The following GRID2 variants were observed in gnomAD, a reference collection of about 807,000 sequenced individuals.
The protein encoded by GRID2 is glutamate ionotropic receptor delta type subunit 2, also known as glutamate receptor ionotropic, delta-2.
Under a neutral mutation model 114.8 loss-of-function variants are expected in GRID2, and 33 were observed. The ratio of observed to expected loss-of-function variants is 0.29; its 90% CI spans 0.22 to 0.38. The LOEUF (loss-of-function observed/expected upper bound fraction) is 0.38, where lower values mean the gene tolerates loss of function less well. Ranked by LOEUF, GRID2 falls within the 10% of genes least tolerant of loss-of-function variation. The probability of loss-of-function intolerance (pLI) is 1.00; values close to 1 mark genes in which losing one functional copy is unlikely to be tolerated. For missense variants in GRID2, 1,184 were observed against 1,257.7 expected (o/e 0.94, Z 0.89); for synonymous variants, 505 against 449.9 (o/e 1.12, Z -1.55).
intron 3 of GRID2, 91 bp downstream of exon 3, chr4:93,085,370 C>G (rs1350887129): frequency 5.2e-6 from 5 of 967,102 alleles, no homozygotes; most frequent in Admixed American, 4.3e-5. Context: ...GGGTCTTACT[C>G]ATTGTTATTT....
At chr4:92,855,558 T>C (rs1028068034) in intron 2 of GRID2, among the ~76,000 whole-genome samples, 2 of 152,002 alleles carry the variant, frequency 1.3e-5, no homozygotes, top group East Asian at 3.9e-4. Flanking sequence ...TAATTCCATT[T>C]TCCAGAAATA....
intron 1 of GRID2, among the ~76,000 whole-genome samples, chr4:92,540,691 G>A (rs1230237218): frequency 6.6e-6 from 1 of 152,146 alleles, no homozygotes; most frequent in Non-Finnish European, 1.5e-5. Flanking sequence ...CTACACTGTT[G>A]GTGGGACTAT....
At chr4:92,696,670 C>A (rs556808546) in intron 2 of GRID2, among the ~76,000 whole-genome samples, 1 of 152,180 alleles carries the variant, frequency 6.6e-6, no homozygotes, top group African/African-American at 2.4e-5. Flanking sequence ...TAAATCTAAT[C>A]TACCCATTTG....
At chr4:93,065,862 T>C (rs1184709295) in intron 2 of GRID2, among the ~76,000 whole-genome samples, 3 of 151,902 alleles carry the variant, frequency 2.0e-5, no homozygotes, top group Non-Finnish European at 2.9e-5. Context: ...ACACACAGTC[T>C]TTCTGGATTC....
At chr4:92,941,974 A>G (rs532118654) in intron 2 of GRID2, among the ~76,000 whole-genome samples, 2,263 of 152,008 alleles carry the variant, frequency 0.015, 20 homozygotes, top group East Asian at 0.054. Flanking sequence ...TTGCTGAGGA[A>G]TGCTTTACTT....
chr4:92,862,921 G>A (rs1046334622), intron 2 of GRID2, among the ~76,000 whole-genome samples: 3 of 151,934 alleles, frequency 2.0e-5, no homozygotes, highest in Non-Finnish European at 4.4e-5. Context: ...CACTTGAGAC[G>A]GATTGATAAA....
chr4:93,583,985 G>C (rs1034560444), intron 13 of GRID2, among the ~76,000 whole-genome samples: 1 of 152,082 alleles, frequency 6.6e-6, no homozygotes, highest in East Asian at 1.9e-4. Flanking sequence ...GAAGCAGATG[G>C]AAAATGCTGA....
intron 2 of GRID2, among the ~76,000 whole-genome samples, chr4:92,778,181 C>G (rs755839330): frequency 6.6e-6 from 1 of 152,068 alleles, no homozygotes; most frequent in Non-Finnish European, 1.5e-5. Context: ...TCAATGAGAA[C>G]TTTTTCAACA....
At chr4:92,469,606 A>T (rs1357359758) in intron 1 of GRID2, among the ~76,000 whole-genome samples, 1 of 151,986 alleles carries the variant, frequency 6.6e-6, no homozygotes, top group Admixed American at 6.6e-5. Context: ...GAATCCATGG[A>T]TGTGGAATCC....
intron 2 of GRID2, among the ~76,000 whole-genome samples, chr4:92,688,411 A>G (rs948283980): frequency 7.9e-5 from 12 of 152,100 alleles, no homozygotes; most frequent in Middle Eastern, 3.4e-3. Flanking sequence ...AACTTTACCC[A>G]CAGTAAACCT....
chr4:92,871,330 G>C (rs1483996485), intron 2 of GRID2, among the ~76,000 whole-genome samples: 3 of 149,538 alleles, frequency 2.0e-5, no homozygotes, highest in Non-Finnish European at 4.4e-5. Flanking sequence ...TTCTGTTAAT[G>C]TAACAAGTTA....
chr4:92,565,984 G>T (rs569678171), intron 1 of GRID2, among the ~76,000 whole-genome samples: 2 of 152,060 alleles, frequency 1.3e-5, no homozygotes, highest in East Asian at 3.9e-4. Context: ...GTATTACCTA[G>T]GTTGAGTTTA....
chr4:92,783,470 T>A (rs183164538), intron 2 of GRID2, among the ~76,000 whole-genome samples: 1 of 152,264 alleles, frequency 6.6e-6, no homozygotes, highest in East Asian at 1.9e-4. Context: ...AGTAAAAGTG[T>A]CTGAATTTTT....
At chr4:92,418,699 C>T (rs1731743626) in intron 1 of GRID2, among the ~76,000 whole-genome samples, 1 of 151,922 alleles carries the variant, frequency 6.6e-6, no homozygotes, top group Non-Finnish European at 1.5e-5. Context: ...ATAATGATAT[C>T]ATTCATCAAG....
intron 8 of GRID2, among the ~76,000 whole-genome samples, chr4:93,322,823 T>C (rs1352149684): frequency 1.3e-5 from 2 of 152,216 alleles, no homozygotes; most frequent in East Asian, 3.8e-4. Flanking sequence ...TTCATGTGTT[T>C]TTTGGCTGCA....
At chr4:92,378,693 G>A (rs1579265730) in intron 1 of GRID2, among the ~76,000 whole-genome samples, 1 of 151,936 alleles carries the variant, frequency 6.6e-6, no homozygotes, top group Non-Finnish European at 1.5e-5. Flanking sequence ...AGAAATGCTT[G>A]TTAATTTTTA....
chr4:92,320,443 T>C (rs748046565), intron 1 of GRID2, among the ~76,000 whole-genome samples: 27 of 152,224 alleles, frequency 1.8e-4, no homozygotes, highest in Admixed American at 5.9e-4. Flanking sequence ...TATGTCTCAG[T>C]TTAGAATTAA....
chr4:92,975,788 G>A (rs75301547), intron 2 of GRID2, among the ~76,000 whole-genome samples: 6,325 of 152,126 alleles, frequency 0.042, 200 homozygotes, highest in East Asian at 0.13. Flanking sequence ...TGTAGATAAT[G>A]TCAAGAGAAT....
At chr4:93,777,326 T>G (rs550665217), downstream of GRID2, among the ~76,000 whole-genome samples, 1 of 152,356 alleles carries the variant, frequency 6.6e-6, no homozygotes, top group African/African-American at 2.4e-5. Flanking sequence ...TTGCTTTGTT[T>G]CCATGTAACA....
Sources: allele counts gnomAD v4.1 joint callset (sites outside exome capture counted in the v4.1 genomes callset), GRCh38; gene constraint gnomAD v4.1.1; transcripts MANE v1.5; gene names NCBI Gene and HGNC (gene_info 2026-07-23, HGNC 2026-07-21).